Variants in RMP64 observed in about 807,000 individuals in gnomAD.
RMP64 encodes the protein nucleolus and neural progenitor protein.
chr3:113,019,481 G>T, the RMP64 span: 1 of 1,406,912 alleles, frequency 7.1e-7, no homozygotes, highest in Admixed American at 1.8e-5. Context: ...CACATGCGCC[G>T]GCTGGGCCTG....
the RMP64 span, among the ~76,000 whole-genome samples, chr3:113,009,161 A>T: frequency 1.3e-5 from 2 of 152,180 alleles, no homozygotes; most frequent in Non-Finnish European, 2.9e-5. Context: ...CCATCTTCTG[A>T]CAAGGCACCT....
the RMP64 span, chr3:113,008,056 A>G: frequency 1.2e-5 from 11 of 881,006 alleles, no homozygotes; most frequent in African/African-American, 1.7e-4. Flanking sequence ...GTACATCCCA[A>G]TTTAGCCCCG....
the RMP64 span, chr3:113,002,851 C>G: frequency 6.6e-6 from 1 of 152,642 alleles, no homozygotes; most frequent in African/African-American, 2.4e-5. Context: ...TGTACATACC[C>G]AAGTGCTAGG....
At chr3:113,011,227 A>G in the RMP64 span, 1 of 1,612,682 alleles carries the variant, frequency 6.2e-7, no homozygotes, top group South Asian at 1.1e-5. Flanking sequence ...TGCAAAAGCT[A>G]TAGGCATTTT....
At chr3:113,008,600 G>A in the RMP64 span, 1 of 568,222 alleles carries the variant, frequency 1.8e-6, no homozygotes, top group Non-Finnish European at 3.1e-6. Flanking sequence ...TGCACTATAT[G>A]CTTATAACAA....
chr3:113,013,458 TTTTG>T, the RMP64 span: 6 of 1,296,146 alleles, frequency 4.6e-6, no homozygotes, highest in East Asian at 2.6e-5. Flanking sequence ...AGGGTTTTTT[TTTTG>T]TTTTTTTTTT....
At chr3:113,015,781 T>C in the RMP64 span, among the ~76,000 whole-genome samples, 1 of 146,562 alleles carries the variant, frequency 6.8e-6, no homozygotes. Context: ...ATAAAATATA[T>C]ACACAAATAA....
chr3:113,017,954 A>G, the RMP64 span, among the ~76,000 whole-genome samples: 141 of 152,336 alleles, frequency 9.3e-4, 3 homozygotes, highest in South Asian at 0.027. Flanking sequence ...CCTTGAAGGT[A>G]GGGCACATGT....
chr3:113,017,544 G>A, the RMP64 span: 4 of 1,614,052 alleles, frequency 2.5e-6, no homozygotes. Flanking sequence ...CTAAGGTTTG[G>A]CTCTTCAGCG....
At chr3:113,008,504 T>G in the RMP64 span, 1 of 1,271,514 alleles carries the variant, frequency 7.9e-7, no homozygotes, top group African/African-American at 1.5e-5. Context: ...CAAGGAAAGC[T>G]AGCTCACAAT....
At chr3:113,006,816 A>G in the RMP64 span, among the ~76,000 whole-genome samples, 5 of 152,214 alleles carry the variant, frequency 3.3e-5, no homozygotes, top group Non-Finnish European at 7.3e-5. Context: ...GTTGAAAGGA[A>G]AACAGAGGGC....
the RMP64 span, chr3:113,003,976 C>G: frequency 6.6e-6 from 1 of 152,172 alleles, no homozygotes; most frequent in Non-Finnish European, 1.5e-5. Flanking sequence ...GTCCACAAAG[C>G]TATACACCAG....
the RMP64 span, chr3:113,008,264 C>T: frequency 6.2e-7 from 1 of 1,614,146 alleles, no homozygotes; most frequent in Admixed American, 1.7e-5. Context: ...TTTGCTCCTG[C>T]ACCATACAAC....
the RMP64 span, chr3:113,005,742 A>G: frequency 3.1e-6 from 5 of 1,613,960 alleles, no homozygotes; most frequent in Non-Finnish European, 4.2e-6. Flanking sequence ...CTGTTAGGGT[A>G]GAGATCAGTT....
the RMP64 span, among the ~76,000 whole-genome samples, chr3:113,009,144 A>G: frequency 6.6e-6 from 1 of 152,058 alleles, no homozygotes; most frequent in African/African-American, 2.4e-5. Flanking sequence ...TTCCAATTCT[A>G]CTTCAACCAT....
chr3:113,013,508 A>G, the RMP64 span: 5 of 1,070,770 alleles, frequency 4.7e-6, no homozygotes, highest in South Asian at 3.4e-5. Context: ...AGGATATGAC[A>G]AAGGATTGAA....
the RMP64 span, chr3:113,010,579 G>A: frequency 7.7e-7 from 1 of 1,293,290 alleles, no homozygotes; most frequent in South Asian, 1.2e-5. Flanking sequence ...CTCTGCCCTT[G>A]GTAAGAAGCA....
At chr3:113,008,182 A>G in the RMP64 span, 1 of 1,614,046 alleles carries the variant, frequency 6.2e-7, no homozygotes, top group South Asian at 1.1e-5. Context: ...TAGTACCTTG[A>G]GCTTCCAGAT....
the RMP64 span, among the ~76,000 whole-genome samples, chr3:113,015,515 G>C: frequency 6.6e-6 from 1 of 152,058 alleles, no homozygotes; most frequent in Non-Finnish European, 1.5e-5. Flanking sequence ...TTAGCAACTA[G>C]AGATAGGGAA....
Sources: gnomAD v4.1 joint callset for allele counts (sites outside exome capture counted in the v4.1 genomes callset) on GRCh38, gnomAD v4.1.1 for gene constraint, MANE v1.5 for transcripts, NCBI Gene and HGNC (gene_info 2026-07-23, HGNC 2026-07-21) for gene names.